SAMD5: variants seen among roughly 807,000 people sequenced by gnomAD.
SAMD5 encodes sterile alpha motif domain-containing protein 5.
Under a neutral mutation model 11.3 loss-of-function variants are expected in SAMD5, and 13 were observed. The ratio of observed to expected loss-of-function variants is 1.15; its 90% confidence interval spans 0.75 to 1.83. The LOEUF is 1.83. SAMD5 is among the 40% of genes most tolerant of loss of function. SAMD5 has a pLI of 0.00. For synonymous variants in SAMD5, 129 were observed against 111.3 expected (o/e 1.16, Z -1.00); for missense variants, 255 against 239.1 (o/e 1.07, Z -0.44).
intron 1 of SAMD5, among the ~76,000 whole-genome samples, chr6:147,606,044 C>T (rs116482800): frequency 2.2e-4 from 33 of 152,012 alleles, no homozygotes; most frequent in Non-Finnish European, 4.0e-4. Context: ...GGAATTAGAT[C>T]GGTTCTGTTT....
the SAMD5 span, among the ~76,000 whole-genome samples, chr6:147,951,200 T>TTG: frequency 6.6e-6 from 1 of 151,522 alleles, no homozygotes; most frequent in East Asian, 1.9e-4. Flanking sequence ...TTTTTTTTTT[T>TTG]ATGACGGAGT....
chr6:147,825,602 C>T, the SAMD5 span, among the ~76,000 whole-genome samples: 12 of 152,138 alleles, frequency 7.9e-5, no homozygotes, highest in East Asian at 1.9e-4. Context: ...TTTACTGTTC[C>T]GTCACCATAA....
At chr6:147,578,690 TG>T (rs1247822366) in intron 1 of SAMD5, among the ~76,000 whole-genome samples, 1 of 152,144 alleles carries the variant, frequency 6.6e-6, no homozygotes, top group African/African-American at 2.4e-5. Context: ...AACAATTTGG[TG>T]TTCATAATCA....
intron 1 of SAMD5, among the ~76,000 whole-genome samples, chr6:147,585,547 C>T (rs1049323036): frequency 6.6e-5 from 10 of 152,082 alleles, no homozygotes; most frequent in African/African-American, 2.4e-4. Context: ...CATTAACTCT[C>T]TTAGGCCACT....
intron 1 of SAMD5, among the ~76,000 whole-genome samples, chr6:147,698,024 A>G (rs1257999911): frequency 6.6e-6 from 1 of 152,188 alleles, no homozygotes; most frequent in Non-Finnish European, 1.5e-5. Flanking sequence ...GGCATTAGTT[A>G]GATTCTCATA....
chr6:147,909,559 T>TC, the SAMD5 span, among the ~76,000 whole-genome samples: 99 of 88,724 alleles, frequency 1.1e-3, 19 homozygotes, highest in African/African-American at 6.2e-3. Flanking sequence ...CCATCCATCT[T>TC]TTTTCTTTCT....
At chr6:147,918,523 G>A in the SAMD5 span, among the ~76,000 whole-genome samples, 1 of 152,096 alleles carries the variant, frequency 6.6e-6, no homozygotes, top group Non-Finnish European at 1.5e-5. Flanking sequence ...AAGAAATAAA[G>A]TGTATTTAAT....
At chr6:147,739,780 T>C (rs183909647), downstream of SAMD5, among the ~76,000 whole-genome samples, 1 of 152,262 alleles carries the variant, frequency 6.6e-6, no homozygotes, top group East Asian at 1.9e-4. Flanking sequence ...TTATTTTAAA[T>C]TATTTATACT....
chr6:147,531,892 A>C (rs1788435636), intron 1 of SAMD5, among the ~76,000 whole-genome samples: 1 of 152,218 alleles, frequency 6.6e-6, no homozygotes, highest in Non-Finnish European at 1.5e-5. Flanking sequence ...AGTTTTAAAA[A>C]GGAGGAAATA....
intron 1 of SAMD5, among the ~76,000 whole-genome samples, chr6:147,579,013 A>G (rs1457892866): frequency 1.3e-5 from 2 of 152,258 alleles, no homozygotes; most frequent in African/African-American, 4.8e-5. Flanking sequence ...ATTCATTTAC[A>G]TATTTGACAA....
chr6:147,566,082 A>G lies in SAMD5; in HGVS notation c.*1626A>G, dbSNP rs702346. On this transcript the variant is annotated 3_prime_UTR_variant, in exon 2 of 2. Transcript: ENST00000367474. ...TAAGAAGGATATTAGGTTTCTAAGG[A>G]CAATTTTAACACAATACTGCTTTAA... is the stretch of plus-strand genomic sequence containing the variant. 629,833 of 982,574 alleles carry G rather than the reference A, an allele frequency of 0.64. 205,691 individuals are homozygous for G. The highest frequency in any genetic ancestry group is 0.97 in the East Asian group (8,572 of 8,792). 60.9% of individuals were successfully genotyped at this position (982,574 alleles called of 1,614,324 possible).
At chr6:147,746,541 ATTAGAG>A in the SAMD5 span, among the ~76,000 whole-genome samples, 1 of 152,224 alleles carries the variant, frequency 6.6e-6, no homozygotes, top group African/African-American at 2.4e-5. Context: ...TGCCAAAATA[ATTAGAG>A]TTAAAGAGGA....
intron 1 of SAMD5, among the ~76,000 whole-genome samples, chr6:147,612,415 T>C (rs751661203): frequency 6.6e-5 from 10 of 152,244 alleles, no homozygotes; most frequent in Admixed American, 3.9e-4. Context: ...AATCATTCTT[T>C]TTATTTTATA....
chr6:147,754,716 T>C, the SAMD5 span, among the ~76,000 whole-genome samples: 2 of 152,184 alleles, frequency 1.3e-5, no homozygotes, highest in East Asian at 3.8e-4. Flanking sequence ...AAGTCTTTAA[T>C]CTATTTTGAT....
intron 1 of SAMD5, among the ~76,000 whole-genome samples, chr6:147,526,724 T>G (rs1788347678): frequency 6.6e-6 from 1 of 152,212 alleles, no homozygotes; most frequent in Non-Finnish European, 1.5e-5. Flanking sequence ...ATTGAATGAA[T>G]GCATGCATGA....
the SAMD5 span, among the ~76,000 whole-genome samples, chr6:147,953,024 G>T: frequency 6.6e-6 from 1 of 151,764 alleles, no homozygotes; most frequent in East Asian, 1.9e-4. Context: ...CCTTCATATA[G>T]TATTCTTTTT....
chr6:147,706,711 T>G (rs1179095304), intron 1 of SAMD5, among the ~76,000 whole-genome samples: 2 of 152,224 alleles, frequency 1.3e-5, no homozygotes, highest in Admixed American at 1.3e-4. Flanking sequence ...TGAGTATGCG[T>G]GGATTTTGCT....
chr6:147,940,972 A>C, the SAMD5 span, among the ~76,000 whole-genome samples: 1 of 152,098 alleles, frequency 6.6e-6, no homozygotes, highest in Non-Finnish European at 1.5e-5. Context: ...CAAAAAAAAA[A>C]GATGTATGGT....
intron 1 of SAMD5, among the ~76,000 whole-genome samples, chr6:147,620,930 ATGTT>A (rs933983571): frequency 1.6e-4 from 24 of 150,664 alleles, no homozygotes; most frequent in African/African-American, 5.7e-4. Context: ...ATGTGAGTGT[ATGTT>A]TGTGTGTGTA....
Sources: gnomAD v4.1 joint callset for allele counts (sites outside exome capture counted in the v4.1 genomes callset) on GRCh38, gnomAD v4.1.1 for gene constraint, MANE v1.5 for transcripts, NCBI Gene and HGNC (gene_info 2026-07-23, HGNC 2026-07-21) for gene names.